The following SDK1 variants were observed in gnomAD, a reference collection of about 807,000 sequenced individuals.
The protein encoded by SDK1 is sidekick cell adhesion molecule 1, also known as protein sidekick-1.
Under a neutral mutation model 245.5 loss-of-function variants are expected in SDK1, and 157 were observed. The observed-to-expected ratio is 0.64, with a 90% CI of 0.56 to 0.73. The LOEUF is 0.73. Ranked by LOEUF, SDK1 falls within the 30% of genes least tolerant of loss-of-function variation. SDK1 has a pLI of 0.00. For missense variants in SDK1, 3,583 were observed against 3,002.3 expected (o/e 1.19, Z -4.52); for synonymous variants, 1,647 against 1,278.5 (o/e 1.29, Z -6.15).
chr7:3,936,668 C>G (rs969938032), intron 5 of SDK1, among the ~76,000 whole-genome samples: 8 of 152,034 alleles, frequency 5.3e-5, no homozygotes, highest in Non-Finnish European at 4.4e-5. Flanking sequence ...GAACTGTTCA[C>G]TTAGAAATGG....
At chr7:3,856,517 A>G (rs1780549945) in intron 5 of SDK1, among the ~76,000 whole-genome samples, 2 of 148,440 alleles carry the variant, frequency 1.3e-5, no homozygotes, top group African/African-American at 5.0e-5. Context: ...CTGGCCGGGC[A>G]TGGTGGCTCA....
In SDK1 at chr7:3,499,364, GT is replaced by G. The variant is rs369857932; in HGVS notation, c.299-119708del. 6.2e-3 allele frequency among the ~76,000 whole-genome samples: 937 copies of G among 151,908 alleles called. 13 individuals are homozygous for G. Among genetic ancestry groups the G allele is most frequent in the African/African-American group, 0.02 (832 of 41,426 alleles). Reference sequence around the variant, plus strand: ...TTAATGACTTAGCCATTTTTTGTGTGTTTTTTTTAATTGTCAGATGTATGCC... The same window carrying G: ...TTAATGACTTAGCCATTTTTTGTGTGTTTTTTTAATTGTCAGATGTATGCC... On this transcript the variant is annotated intron_variant, in intron 1 of 44. Transcript: ENST00000404826.
chr7:4,089,345 G>A (rs944476326), intron 22 of SDK1, among the ~76,000 whole-genome samples: 2 of 152,224 alleles, frequency 1.3e-5, no homozygotes, highest in Non-Finnish European at 2.9e-5. Context: ...TGGGGCAGAG[G>A]CTGCAGCACT....
At position 3,912,771 on chromosome 7, in the gene SDK1, G is replaced by A. The variant is rs536045024; in HGVS notation, c.848-38152G>A. Among the ~76,000 whole-genome samples, 13 of 152,370 alleles carry A rather than the reference G, an allele frequency of 8.5e-5. No individual in the cohort carries two copies. The East Asian group carries it at 2.5e-3, about 29-fold the overall frequency. ...TCAAGACAGTTGACAGAAGGAAGAG[G>A]AAGGAGACCTAAGGGACTTGGCAGC... On this transcript the variant is annotated intron_variant, in intron 5 of 44. Coordinates refer to ENST00000404826, the MANE Select transcript of SDK1 (RefSeq NM_152744.4).
chr7:4,266,508 T>C lies in SDK1; in HGVS notation c.*1124T>C. On this transcript the variant is annotated 3_prime_UTR_variant, in exon 45 of 45. Coordinates refer to ENST00000404826, the MANE Select transcript of SDK1 (RefSeq NM_152744.4). ...GCCACCGCTTCTCCACCACTGGCGC[T>C]GCTGCTGCCCCCTCTCCCAGTCCGA... 1.0e-6 allele frequency: 1 copy of C among 985,402 alleles called. No homozygotes were observed. The highest frequency in any genetic ancestry group is 1.2e-6 in the Non-Finnish European group (1 of 829,906). 61.0% of individuals were successfully genotyped at this position (985,402 alleles called of 1,614,324 possible). A position where few individuals can be genotyped will look rare whatever the true frequency, so the allele number is the denominator to read the frequency against.
At chr7:4,119,001 C>A (rs1783898883) in intron 25 of SDK1, among the ~76,000 whole-genome samples, 2 of 148,472 alleles carry the variant, frequency 1.3e-5, no homozygotes, top group South Asian at 4.5e-4. Context: ...TTCCAAAGTT[C>A]ATCATGATGA....
chr7:3,897,315 G>T (rs1781637000), intron 5 of SDK1, among the ~76,000 whole-genome samples: 1 of 152,196 alleles, frequency 6.6e-6, no homozygotes, highest in East Asian at 1.9e-4. Context: ...AACATTTCCA[G>T]CTTGCTCAAC....
intron 1 of SDK1, among the ~76,000 whole-genome samples, chr7:3,608,947 A>G (rs1343032413): frequency 6.6e-6 from 1 of 152,342 alleles, no homozygotes; most frequent in Admixed American, 6.5e-5. Context: ...TTCAACTGAA[A>G]CAACATATTA....
At chr7:3,904,725 G>T (rs1343202484) in intron 5 of SDK1, among the ~76,000 whole-genome samples, 1 of 151,854 alleles carries the variant, frequency 6.6e-6, no homozygotes, top group Non-Finnish European at 1.5e-5. Flanking sequence ...CGGGCACGGT[G>T]GCTCACGCCT....
In SDK1 at chr7:4,062,127, T is replaced by TATA. The variant is rs558489932; in HGVS notation, c.2912-5694_2912-5692dup. 4.4e-4 allele frequency among the ~76,000 whole-genome samples: 67 copies of TATA among 151,546 alleles called. 1 individual carries two copies. The South Asian group carries it at 5.2e-3, about 12-fold the overall frequency. On this transcript the variant is annotated intron_variant, in intron 19 of 44. Transcript: ENST00000404826. Reference sequence around the variant, plus strand: ...TGCACATGTACCCTAAAACTTAAAGTATAATAATAATAATAATAAAAACAA... The same window carrying TATA: ...TGCACATGTACCCTAAAACTTAAAGTATAATAATAATAATAATAATAAAAACAA...
chr7:3,787,261 A>C (rs1197625535), intron 4 of SDK1, among the ~76,000 whole-genome samples: 3 of 151,954 alleles, frequency 2.0e-5, no homozygotes, highest in Admixed American at 1.3e-4. Context: ...ATTACCTGAC[A>C]TTGTTTGAAA....
chr7:3,324,115 T>A (rs1234300881), intron 1 of SDK1, among the ~76,000 whole-genome samples: 1 of 152,198 alleles, frequency 6.6e-6, no homozygotes, highest in Non-Finnish European at 1.5e-5. Flanking sequence ...GAGATACTCA[T>A]GTTTTTCTCC....
chr7:4,094,872 G>C (rs539459882), intron 22 of SDK1, among the ~76,000 whole-genome samples: 2 of 152,304 alleles, frequency 1.3e-5, no homozygotes, highest in East Asian at 3.9e-4. Flanking sequence ...ATCAGGACAC[G>C]GAGGTGACAC....
At chr7:3,599,144 C>A (rs1385118225) in intron 1 of SDK1, among the ~76,000 whole-genome samples, 1 of 127,414 alleles carries the variant, frequency 7.8e-6, no homozygotes, top group Non-Finnish European at 1.6e-5. Context: ...GGCGTTCTCG[C>A]TGTTTTTTAC....
intron 17 of SDK1, among the ~76,000 whole-genome samples, chr7:4,019,335 C>G (rs1188658177): frequency 6.6e-6 from 1 of 152,200 alleles, no homozygotes; most frequent in African/African-American, 2.4e-5. Flanking sequence ...CAAGACAAGA[C>G]TGCTGTTCTC....
chr7:3,402,636 C>G (rs1342206453), intron 1 of SDK1, among the ~76,000 whole-genome samples: 1 of 151,972 alleles, frequency 6.6e-6, no homozygotes, highest in Non-Finnish European at 1.5e-5. Context: ...TTTGTTGTTG[C>G]TTTTTTTCAT....
rs558988757 is a variant in SDK1, at chr7:3,770,890, G to T, written c.714-50560G>T. ...CTGGCTTAGTTTCTTCTGTTGGTGA[G>T]GGAAGGAAGGTAACATTCTTTGTTG... is the stretch of plus-strand genomic sequence containing the variant. On this transcript the variant is annotated intron_variant, in intron 4 of 44. Coordinates refer to ENST00000404826, the MANE Select transcript of SDK1 (RefSeq NM_152744.4). 5.3e-5 allele frequency among the ~76,000 whole-genome samples: 8 copies of T among 152,256 alleles called. No homozygotes were observed. The South Asian group carries it at 1.7e-3, about 32-fold the overall frequency.
chr7:3,582,334 T>C lies in SDK1; in HGVS notation c.299-36746T>C, dbSNP rs369965629. On this transcript the variant is annotated intron_variant, in intron 1 of 44. Coordinates refer to ENST00000404826, the MANE Select transcript of SDK1 (RefSeq NM_152744.4). Reference sequence around the variant, plus strand: ...GGTAGGTCTGTCTCAGGTAGGTCTGTCTCAGGTAGGTCTCCCTCAGGTAGG... The same window carrying C: ...GGTAGGTCTGTCTCAGGTAGGTCTGCCTCAGGTAGGTCTCCCTCAGGTAGG... 3.2e-3 allele frequency among the ~76,000 whole-genome samples: 408 copies of C among 128,750 alleles called. 1 individual carries two copies. The highest frequency in any genetic ancestry group is 8.5e-3 in the East Asian group (32 of 3,762). The allele number at this position is 128,750 out of a possible 152,430, so 84.5% of individuals were successfully genotyped here.
chr7:3,530,463 TA>T (rs1259426857), intron 1 of SDK1, among the ~76,000 whole-genome samples: 2 of 152,172 alleles, frequency 1.3e-5, no homozygotes, highest in African/African-American at 2.4e-5. Context: ...ACCTGTGCAA[TA>T]ACCTACAGAA....
Sources: allele counts gnomAD v4.1 joint callset (sites outside exome capture counted in the v4.1 genomes callset), GRCh38; gene constraint gnomAD v4.1.1; transcripts MANE v1.5; gene names NCBI Gene and HGNC (gene_info 2026-07-23, HGNC 2026-07-21).